The following RABL2A variants were observed in gnomAD, a reference collection of about 807,000 sequenced individuals.
RABL2A encodes the protein rab-like protein 2A.
In RABL2A, 17 loss-of-function variants were observed where a neutral mutation model predicts 30.7. The ratio of observed to expected loss-of-function variants is 0.55; its 90% CI spans 0.38 to 0.83. The LOEUF (loss-of-function observed/expected upper bound fraction) is 0.83. Among genes scored for constraint, RABL2A ranks in the 40% least tolerant of loss-of-function variants. RABL2A has a pLI of 0.00. For missense variants in RABL2A, 155 were observed against 272.6 expected (o/e 0.57, Z 3.04); for synonymous variants, 64 against 101.8 (o/e 0.63, Z 2.24).
At chr2:113,637,626 A>G in intron 5 of RABL2A, 1 of 1,214,154 alleles carries the variant, frequency 8.2e-7, no homozygotes, top group Non-Finnish European at 1.1e-6. Flanking sequence ...AAATTCCAAA[A>G]GCTTTAACTC....
Position 113,635,040 on chromosome 2 carries a change from T to C in RABL2A, c.218-11T>C. The C allele has an allele frequency of 6.2e-7, 1 of 1,614,160 alleles. No individual in the cohort carries two copies. Among genetic ancestry groups the C allele is most frequent in the Non-Finnish European group, 8.5e-7 (1 of 1,180,034 alleles). On this transcript the variant is annotated splice_polypyrimidine_tract_variant and intron_variant, in intron 4 of 8. Transcript: ENST00000683472. ...ACCAGGCATGTAGGTCTGTCTGTGT[T>C]CACATTGCAGACTTTTGGGACACGG...
chr2:113,627,420 G>C lies in RABL2A; in HGVS notation c.-54+20G>C, dbSNP rs1465861757. The C allele has an allele frequency of 1.3e-5, 2 of 150,258 alleles. No individual in the cohort carries two copies. Among genetic ancestry groups the C allele is most frequent in the African/African-American group, 5.0e-5 (2 of 40,398 alleles). 9.3% of individuals were successfully genotyped at this position (150,258 alleles called of 1,614,324 possible). On this transcript the variant is annotated intron_variant, in intron 1 of 8. Transcript: ENST00000683472. Reference sequence around the variant, plus strand: ...CCGCACGTGAGGGCAAATCCGCCCCGGTGGCTGGCTTAGCACGCGGGGACA... The same window carrying C: ...CCGCACGTGAGGGCAAATCCGCCCCCGTGGCTGGCTTAGCACGCGGGGACA...
chr2:113,632,919 A>T lies in RABL2A; in HGVS notation c.112A>T (p.Met38Leu), dbSNP rs370021349. 2.5e-6 allele frequency: 4 copies of T among 1,614,074 alleles called. No individual in the cohort carries two copies. The African/African-American group carries it at 4.0e-5, about 16-fold the overall frequency. Residue 38 changes from methionine (M) to leucine (L), a missense_variant, in exon 3 of 9, where the codon ATG (methionine) becomes TTG (leucine). Physicochemically the swap from Met to Leu is conservative, Grantham distance 15. Around this residue, in one of 5 missense-constraint regions of RABL2A, gnomAD observed 82 missense variants for 103.2 expected, o/e 0.79. Coordinates refer to ENST00000683472, the MANE Select transcript of RABL2A (RefSeq NM_001306158.2). ...CCTTGCCTGTTCTGCTTACAGACTCATGGAGAGATTTCTCATGGATGGCTT... is the reference window on the plus strand; with the variant it reads ...CCTTGCCTGTTCTGCTTACAGACTCTTGGAGAGATTTCTCATGGATGGCTT... ...GDSAVGKSKLMERFLMDGFQP... is the reference protein window; with the variant it reads ...GDSAVGKSKLLERFLMDGFQP...
chr2:113,629,759 T>C (rs1356675886), intron 2 of RABL2A, among the ~76,000 whole-genome samples: 4 of 152,118 alleles, frequency 2.6e-5, no homozygotes, highest in African/African-American at 4.8e-5. Flanking sequence ...AGGATGGTCT[T>C]GATCTCCTGA....
At chr2:113,641,230 C>T in intron 6 of RABL2A, 123 bp from the exon 7 acceptor site, 1 of 1,520,694 alleles carries the variant, frequency 6.6e-7, no homozygotes, top group Non-Finnish European at 9.0e-7. Context: ...TGAGCTCTTT[C>T]TAGGACATGT....
At chr2:113,634,490 C>T (rs941922337) in intron 4 of RABL2A, 26 of 544,666 alleles carry the variant, frequency 4.8e-5, no homozygotes, top group African/African-American at 4.5e-4. Context: ...AAGGAGAAGT[C>T]AGGGGGCTGT....
At chr2:113,640,728 C>T (rs1397454343) in intron 5 of RABL2A, 166 bp from the exon 6 acceptor site, 2 of 887,750 alleles carry the variant, frequency 2.3e-6, no homozygotes, top group Non-Finnish European at 1.7e-6. Flanking sequence ...CAGGGGGCTT[C>T]CCTGAGAAAC....
intron 2 of RABL2A, among the ~76,000 whole-genome samples, chr2:113,629,014 T>G (rs1573927151): frequency 6.9e-6 from 1 of 144,952 alleles, no homozygotes. Context: ...GGGCGGGGAG[T>G]GGGAATGGAA....
chr2:113,641,616 A>C, intron 7 of RABL2A, 165 bp from the exon 8 acceptor site: 1 of 1,165,246 alleles, frequency 8.6e-7, no homozygotes, highest in Admixed American at 2.1e-5. Flanking sequence ...GATGAGGCAG[A>C]AGTCCATTGA....
At chr2:113,634,113 C>T (rs755219995) in intron 3 of RABL2A, 40 bp from the exon 4 acceptor site, 15 of 1,582,872 alleles carry the variant, frequency 9.5e-6, no homozygotes, top group Non-Finnish European at 1.0e-5. Context: ...TCCTTCCTTA[C>T]CTCCCCTTTT....
In RABL2A at chr2:113,635,113, G is replaced by A. The variant is rs145909437; in HGVS notation, c.280G>A (p.Ala94Thr). ...QSMHASYYHK[A>T]HACIMVFDIQ... Reference sequence around the variant, plus strand: ...CATGCATGCCTCCTACTACCACAAGGCCCATGCCTGCATCATGGTACGAGA... The same window carrying A: ...CATGCATGCCTCCTACTACCACAAGACCCATGCCTGCATCATGGTACGAGA... Residue 94 changes from alanine (A) to threonine (T), a missense_variant, in exon 5 of 9, where the codon GCC (alanine) becomes ACC (threonine). By Grantham distance (58) the Ala-to-Thr change is moderately conservative. This residue lies in a region of RABL2A where 82 missense variants were observed against 103.2 expected (regional missense o/e 0.79). Coordinates refer to ENST00000683472, the MANE Select transcript of RABL2A (RefSeq NM_001306158.2). 943 of 1,614,202 alleles carry A rather than the reference G, an allele frequency of 5.8e-4. 16 individuals carry two copies. The South Asian group carries it at 9.7e-3, about 17-fold the overall frequency.
chr2:113,630,804 G>GCTGC (rs1183568858), intron 2 of RABL2A, among the ~76,000 whole-genome samples: 1 of 152,092 alleles, frequency 6.6e-6, no homozygotes, highest in Non-Finnish European at 1.5e-5. Flanking sequence ...ACCTTCCTGA[G>GCTGC]CTGCCATTAC....
intron 2 of RABL2A, among the ~76,000 whole-genome samples, chr2:113,629,255 C>T (rs1262300438): frequency 2.6e-5 from 4 of 152,202 alleles, no homozygotes; most frequent in African/African-American, 4.8e-5. Context: ...CTAGTTCTCA[C>T]GCCTAGGACT....
At chr2:113,638,388 A>G in intron 5 of RABL2A, 1 of 985,376 alleles carries the variant, frequency 1.0e-6, no homozygotes. Flanking sequence ...GCCAGCAGTT[A>G]CAGGGTGGTG....
intron 5 of RABL2A, chr2:113,637,878 TC>T (rs1683548092): frequency 8.0e-7 from 1 of 1,245,932 alleles, no homozygotes; most frequent in African/African-American, 1.6e-5. Context: ...GGGGTGTCTC[TC>T]CTGCCACCAT....
intron 2 of RABL2A, among the ~76,000 whole-genome samples, chr2:113,631,521 AAAG>A (rs759499887): frequency 2.7e-4 from 41 of 152,190 alleles, no homozygotes; most frequent in Non-Finnish European, 5.1e-4. Flanking sequence ...ATTTTTGGGA[AAAG>A]AAGACAGGGA....
Position 113,641,389 on chromosome 2 carries a change from C to T in RABL2A, c.446C>T (p.Ala149Val). The change falls in exon 7 of 9, where the codon GCC becomes GTC. Residue 149 changes from alanine to valine, a missense_variant. Physicochemically the swap from Ala to Val is moderately conservative, Grantham distance 64. Coordinates refer to ENST00000683472, the MANE Select transcript of RABL2A (RefSeq NM_001306158.2). Reference protein sequence around the residue: ...INVTQKSFNFAKKFSLPLYFV... With the variant: ...INVTQKSFNFVKKFSLPLYFV... ...GTGACCCAAAAAAGCTTCAATTTTG[C>T]CAAGAAGTTCTCCCTGCCCCTGTAT... 5.0e-6 allele frequency: 8 copies of T among 1,612,766 alleles called. No homozygotes were observed. The highest frequency in any genetic ancestry group is 1.3e-5 in the African/African-American group (1 of 74,532).
intron 4 of RABL2A, 94 bp from the exon 5 acceptor site, chr2:113,634,957 C>T: frequency 7.3e-7 from 1 of 1,378,556 alleles, no homozygotes; most frequent in Non-Finnish European, 1.0e-6. Flanking sequence ...TACACTCACA[C>T]ATGTGCTGTG....
chr2:113,635,306 G>T (rs1250813553), intron 5 of RABL2A, 176 bp downstream of exon 5: 1 of 630,068 alleles, frequency 1.6e-6, no homozygotes, highest in Non-Finnish European at 2.8e-6. Flanking sequence ...GTGAGAAGGT[G>T]CCAGGTGAGC....
Sources: gnomAD v4.1 joint callset for allele counts (sites outside exome capture counted in the v4.1 genomes callset) on GRCh38, gnomAD v4.1.1 for gene constraint, gnomAD v4.1.1 regional missense constraint, MANE v1.5 for transcripts, NCBI Gene and HGNC (gene_info 2026-07-23, HGNC 2026-07-21) for gene names.